Variants in RGS13 observed in about 807,000 individuals in gnomAD.
RGS13 encodes regulator of G protein signaling 13.
RGS13 carries 14 observed loss-of-function variants against 19.9 expected under a neutral mutation model. The observed-to-expected ratio is 0.70, with a 90% CI of 0.46 to 1.10. The LOEUF is 1.10. Ranked by LOEUF, RGS13 falls within the 50% of genes least tolerant of loss-of-function variation. The probability of loss-of-function intolerance (pLI) is 0.00; values close to 1 mark genes in which losing one functional copy is unlikely to be tolerated. For synonymous variants in RGS13, 60 were observed against 56.8 expected (o/e 1.06, Z -0.25); for missense variants, 205 against 187.1 (o/e 1.10, Z -0.56).
chr1:192,639,010 T>C (rs977381298), intron 3 of RGS13, among the ~76,000 whole-genome samples: 6 of 152,126 alleles, frequency 3.9e-5, no homozygotes, highest in Non-Finnish European at 7.4e-5. Flanking sequence ...TATCTATATA[T>C]ATTGCTTCTT....
chr1:192,659,389 C>T lies in RGS13; in HGVS notation c.346C>T (p.Pro116Ser), dbSNP rs1241921141. The T allele has an allele frequency of 6.8e-6, 11 of 1,612,714 alleles. No individual in the cohort carries two copies. Among genetic ancestry groups the T allele is most frequent in the Admixed American group, 1.7e-5 (1 of 59,926 alleles). ...RETIIRNIQE[P>S]TETCFEEAQK... ...GACTATCATCAGGAACATTCAGGAA[C>T]CCACTGAAACATGTTTTGAAGAAGC... Residue 116 changes from proline (P) to serine (S), a missense_variant, in exon 7 of 7, where the codon CCC (proline) becomes TCC (serine). Coordinates refer to ENST00000391995, the MANE Select transcript of RGS13 (RefSeq NM_002927.5).
chr1:192,639,351 C>T (rs1359109161), intron 3 of RGS13, among the ~76,000 whole-genome samples: 1 of 116,188 alleles, frequency 8.6e-6, no homozygotes, highest in Non-Finnish European at 1.9e-5. Context: ...CTTCTGGCAG[C>T]CCCAACCATC....
At chr1:192,649,336 C>A (rs986752284) in intron 5 of RGS13, among the ~76,000 whole-genome samples, 14 of 152,048 alleles carry the variant, frequency 9.2e-5, no homozygotes, top group African/African-American at 2.4e-4. Flanking sequence ...ATTTTTGTCC[C>A]AATCCTCTGT....
chr1:192,644,014 C>T (rs1307905422), intron 3 of RGS13, among the ~76,000 whole-genome samples: 7 of 151,962 alleles, frequency 4.6e-5, no homozygotes, highest in Non-Finnish European at 1.0e-4. Flanking sequence ...TTGGTAAATT[C>T]GTTATCGGTA....
chr1:192,656,691 A>G (rs1237132673), intron 5 of RGS13, among the ~76,000 whole-genome samples: 2 of 152,028 alleles, frequency 1.3e-5, no homozygotes, highest in Non-Finnish European at 2.9e-5. Context: ...TGAAGGCTGC[A>G]TTTGCTCACG....
chr1:192,641,279 A>G (rs1362794605), intron 3 of RGS13, among the ~76,000 whole-genome samples: 1 of 114,822 alleles, frequency 8.7e-6, no homozygotes, highest in South Asian at 3.0e-4. Context: ...AGAAAGAAAG[A>G]AAGAAAGAAA....
At position 192,647,988 on chromosome 1, in the gene RGS13, G is replaced by A. The variant is rs200177687; in HGVS notation, c.127+1G>A. On this transcript the variant is annotated splice_donor_variant, in intron 5 of 6. Coordinates refer to ENST00000391995, the MANE Select transcript of RGS13 (RefSeq NM_002927.5). LOFTEE classifies it high-confidence loss of function. The stretch of plus-strand genomic sequence containing the variant: ...TTTGAAAATTTAATGGCTACAAAAT[G>A]TGAGTATTGCGTATCTGTCATCTTT... 6 of 1,586,258 alleles carry A rather than the reference G, an allele frequency of 3.8e-6. No homozygotes were observed. The Admixed American group carries it at 6.9e-5, about 18-fold the overall frequency.
rs79868199 is a variant in RGS13 at position 192,660,195 on chromosome 1, T to G, written c.*672T>G. On this transcript the variant is annotated 3_prime_UTR_variant, in exon 7 of 7. Coordinates refer to ENST00000391995, the MANE Select transcript of RGS13 (RefSeq NM_002927.5). ...AAAATGTGGTTTCTATATTTTGAGA[T>G]GTTTTTTCCTTACAATGTGAACTCA... 1.3e-5 allele frequency: 2 copies of G among 152,220 alleles called. No homozygotes were observed. Among genetic ancestry groups the G allele is most frequent in the Middle Eastern group, 3.4e-3 (1 of 294 alleles). 9.4% of individuals were successfully genotyped at this position (152,220 alleles called of 1,614,324 possible).
chr1:192,649,642 G>T (rs957811512), intron 5 of RGS13, among the ~76,000 whole-genome samples: 2 of 152,030 alleles, frequency 1.3e-5, no homozygotes, highest in African/African-American at 2.4e-5. Flanking sequence ...TCTAAAATTT[G>T]TCTCTAGCTA....
At chr1:192,658,141 C>A in intron 5 of RGS13, 60 bp from the exon 6 acceptor site, 1 of 1,289,810 alleles carries the variant, frequency 7.8e-7, no homozygotes, top group Non-Finnish European at 1.1e-6. Context: ...AACTGTATTG[C>A]TTAGATTTTT....
chr1:192,647,565 A>G lies in RGS13; in HGVS notation c.66-361A>G, dbSNP rs140006079. 6.1e-3 allele frequency: 946 copies of G among 153,998 alleles called. 15 individuals carry two copies. The highest frequency in any genetic ancestry group is 0.022 in the African/African-American group (900 of 41,604). The allele number at this position is 153,998 out of a possible 1,614,324, so 9.5% of individuals were successfully genotyped here. On this transcript the variant is annotated intron_variant, in intron 4 of 6. Coordinates refer to ENST00000391995, the MANE Select transcript of RGS13 (RefSeq NM_002927.5). ...ATAAAGTATAAACACACATAGTGTGATTACTTCTTGATTAAAAACACACAA... is the reference window on the plus strand; with the variant it reads ...ATAAAGTATAAACACACATAGTGTGGTTACTTCTTGATTAAAAACACACAA...
rs1663248588 is a variant in RGS13, at chr1:192,647,863, C to T, written c.66-63C>T. The T allele has an allele frequency of 1.2e-5, 12 of 1,012,070 alleles. No individual in the cohort carries two copies. In the South Asian group the frequency reaches 2.1e-4, roughly 18 times the overall value. 62.7% of individuals were successfully genotyped at this position (1,012,070 alleles called of 1,614,324 possible). ...TCATTTTCAAGATAATATAATTTTA[C>T]TTAGTTCAACAAAAACCTTGAGAAT... is the stretch of plus-strand genomic sequence containing the variant. On this transcript the variant is annotated intron_variant, in intron 4 of 6. Transcript: ENST00000391995.
intron 3 of RGS13, among the ~76,000 whole-genome samples, chr1:192,641,294 GAAAGAAAGAA>G (rs1295705204): frequency 9.1e-6 from 1 of 110,480 alleles, no homozygotes; most frequent in African/African-American, 2.8e-5. Flanking sequence ...AAGAAAGAAA[GAAAGAAAGAA>G]AGAAAAGAAA....
chr1:192,641,187 G>GA (rs369512143), intron 3 of RGS13, among the ~76,000 whole-genome samples: 2 of 122,832 alleles, frequency 1.6e-5, no homozygotes, highest in Non-Finnish European at 3.5e-5. Flanking sequence ...AGAAAAGAAA[G>GA]AAAAAAAAGA....
chr1:192,641,258 G>GAAAGAA (rs1558049248), intron 3 of RGS13, among the ~76,000 whole-genome samples: 31 of 70,064 alleles, frequency 4.4e-4, no homozygotes, highest in African/African-American at 1.4e-3. Flanking sequence ...AGAAAGAAAA[G>GAAAGAA]AAAGAAAGAA....
intron 3 of RGS13, among the ~76,000 whole-genome samples, chr1:192,643,103 C>T (rs1487066192): frequency 6.6e-6 from 1 of 152,094 alleles, no homozygotes; most frequent in East Asian, 1.9e-4. Context: ...TCAAGCAATC[C>T]TCCCCGCTTC....
At chr1:192,649,125 T>G (rs1410849094) in intron 5 of RGS13, among the ~76,000 whole-genome samples, 1 of 152,166 alleles carries the variant, frequency 6.6e-6, no homozygotes, top group Non-Finnish European at 1.5e-5. Flanking sequence ...TAGCATGCCT[T>G]TCCAATGGGC....
rs186687382 is a variant in RGS13, at chr1:192,653,231, G to A, written c.128-4970G>A. ...AACAGACAAAAGATTTGGAATTCAC[G>A]GGAAAAAAAGAAATGGTCAGTAAAA... On this transcript the variant is annotated intron_variant, in intron 5 of 6. Coordinates refer to ENST00000391995, the MANE Select transcript of RGS13 (RefSeq NM_002927.5). Among the ~76,000 whole-genome samples the A allele has an allele frequency of 2.2e-3, 341 of 152,024 alleles. 6 individuals are homozygous for A. Among genetic ancestry groups the A allele is most frequent in the Non-Finnish European group, 1.8e-3 (120 of 67,928 alleles).
intron 5 of RGS13, among the ~76,000 whole-genome samples, chr1:192,654,385 C>A (rs1172635674): frequency 6.6e-6 from 1 of 151,066 alleles, no homozygotes; most frequent in South Asian, 2.1e-4. Context: ...GAAAAAAAGA[C>A]CCACAACTCT....
Sources: allele counts gnomAD v4.1 joint callset (sites outside exome capture counted in the v4.1 genomes callset), GRCh38; gene constraint gnomAD v4.1.1; transcripts MANE v1.5; gene names NCBI Gene and HGNC (gene_info 2026-07-23, HGNC 2026-07-21).